Variants in ROR1 observed in about 807,000 individuals in gnomAD.
ROR1 encodes the protein ROR family WNT receptor 1.
In ROR1, 19 loss-of-function variants were observed where a neutral mutation model predicts 78.8. The ratio of observed to expected loss-of-function variants is 0.24; its 90% CI spans 0.17 to 0.35. The LOEUF (loss-of-function observed/expected upper bound fraction) is 0.35. Among genes scored for constraint, ROR1 ranks in the 10% least tolerant of loss-of-function variants. ROR1 has a pLI of 1.00. For missense variants in ROR1, 917 were observed against 1,177.8 expected (o/e 0.78, Z 3.24); for synonymous variants, 386 against 433.6 (o/e 0.89, Z 1.36).
intron 1 of ROR1, among the ~76,000 whole-genome samples, chr1:63,875,778 C>G (rs764497867): frequency 4.6e-5 from 7 of 152,122 alleles, no homozygotes; most frequent in Non-Finnish European, 8.8e-5. Context: ...CTTCCTTGAT[C>G]ACTTCTCTCC....
intron 1 of ROR1, among the ~76,000 whole-genome samples, chr1:63,787,433 C>CT (rs1644695307): frequency 7.4e-6 from 1 of 134,638 alleles, no homozygotes; most frequent in East Asian, 2.3e-4. Context: ...GAACTATTGC[C>CT]TTTCTTTCCT....
Position 64,056,401 on chromosome 1 carries a change from G to T in ROR1, c.482+5685G>T, listed in dbSNP as rs115149140. Reference sequence around the variant, plus strand: ...TAAAATTTATTATAGCCAGCCGGGCGCAGTGGTTCATGCCTGTAATTGCAG... The same window carrying T: ...TAAAATTTATTATAGCCAGCCGGGCTCAGTGGTTCATGCCTGTAATTGCAG... On this transcript the variant is annotated intron_variant, in intron 4 of 8. Coordinates refer to ENST00000371079, the MANE Select transcript of ROR1 (RefSeq NM_005012.4). Among the ~76,000 whole-genome samples, 812 of 151,692 alleles carry T rather than the reference G, an allele frequency of 5.4e-3. 5 individuals are homozygous for T. The highest frequency in any genetic ancestry group is 0.016 in the African/African-American group (646 of 41,444).
At chr1:63,843,896 G>A (rs953093237) in intron 1 of ROR1, among the ~76,000 whole-genome samples, 1 of 152,142 alleles carries the variant, frequency 6.6e-6, no homozygotes. Context: ...CCTTGCTGAA[G>A]TAGCCTCCTG....
At chr1:63,831,114 A>T (rs1644985512) in intron 1 of ROR1, among the ~76,000 whole-genome samples, 1 of 152,208 alleles carries the variant, frequency 6.6e-6, no homozygotes, top group African/African-American at 2.4e-5. Flanking sequence ...AGCACCCCTG[A>T]CACACAGCTG....
chr1:63,931,709 G>A (rs904482382), intron 1 of ROR1, among the ~76,000 whole-genome samples: 2 of 152,108 alleles, frequency 1.3e-5, no homozygotes, highest in East Asian at 3.8e-4. Context: ...AGCCATCTGG[G>A]TTATCAGATA....
At chr1:63,910,237 G>A (rs1645560246) in intron 1 of ROR1, among the ~76,000 whole-genome samples, 1 of 152,162 alleles carries the variant, frequency 6.6e-6, no homozygotes, top group African/African-American at 2.4e-5. Context: ...GTCAATTATG[G>A]TGAGTTGCAC....
chr1:63,967,861 C>T, intron 1 of ROR1, among the ~76,000 whole-genome samples: 1 of 152,178 alleles, frequency 6.6e-6, no homozygotes, highest in East Asian at 1.9e-4. Context: ...TTTCTGTTGA[C>T]TGGTGGTGTG....
chr1:64,031,756 AT>A (rs1371197218), intron 2 of ROR1, among the ~76,000 whole-genome samples: 1 of 152,136 alleles, frequency 6.6e-6, no homozygotes, highest in Non-Finnish European at 1.5e-5. Context: ...ATGATCACGT[AT>A]TTCTGTCTTC....
At chr1:64,052,662 A>G (rs903879141) in intron 4 of ROR1, among the ~76,000 whole-genome samples, 8 of 152,148 alleles carry the variant, frequency 5.3e-5, no homozygotes, top group African/African-American at 1.9e-4. Context: ...GATATCACGC[A>G]TCTCTGTTTT....
rs148918971 is a variant in ROR1 at position 63,846,758 on chromosome 1, A to T, written c.91+72250A>T. Among the ~76,000 whole-genome samples, 297 of 152,286 alleles carry T rather than the reference A, an allele frequency of 2.0e-3. 1 individual carries two copies. Among genetic ancestry groups the T allele is most frequent in the African/African-American group, 6.9e-3 (286 of 41,558 alleles). On this transcript the variant is annotated intron_variant, in intron 1 of 8. Coordinates refer to ENST00000371079, the MANE Select transcript of ROR1 (RefSeq NM_005012.4). ...AGTGATGTAAAGTTATAAATGCCAA[A>T]CCTTCAAGGGACTTTTGACATGACG...
chr1:64,050,709 G>C lies in ROR1; in HGVS notation c.475G>C (p.Gly159Arg), dbSNP rs1646821769. The C allele has an allele frequency of 1.9e-6, 3 of 1,613,708 alleles. No homozygotes were observed. Among genetic ancestry groups the C allele is most frequent in the Middle Eastern group, 1.6e-4 (1 of 6,062 alleles). ...AGGCCCCCCTCCCACTGCAAGTCCA[G>C]GATACTCGTAAGTACTTTTATCTCC... ...KFGPPPTASP[G>R]YSDEYEEDGF... is the part of the protein sequence containing the mutation. The change falls in exon 4 of 9, where the codon GGA becomes CGA. Residue 159 changes from glycine (G) to arginine (R), a missense_variant. Physicochemically the swap from Gly to Arg is moderately radical, Grantham distance 125. Coordinates refer to ENST00000371079, the MANE Select transcript of ROR1 (RefSeq NM_005012.4).
intron 2 of ROR1, among the ~76,000 whole-genome samples, chr1:64,045,995 C>T (rs1237101818): frequency 1.3e-5 from 2 of 152,186 alleles, no homozygotes; most frequent in Admixed American, 6.6e-5. Context: ...CTGAATCAAA[C>T]CATTGAAAAA....
intron 1 of ROR1, among the ~76,000 whole-genome samples, chr1:63,938,202 C>T (rs928023765): frequency 6.6e-6 from 1 of 152,110 alleles, no homozygotes; most frequent in African/African-American, 2.4e-5. Context: ...TCATTATTCC[C>T]TAGACAATAG....
intron 2 of ROR1, among the ~76,000 whole-genome samples, chr1:64,019,635 G>A (rs1646548228): frequency 6.6e-6 from 1 of 152,126 alleles, no homozygotes; most frequent in Non-Finnish European, 1.5e-5. Flanking sequence ...ATTATTAATA[G>A]CTACCATCTA....
At chr1:63,924,987 C>G (rs114464424) in intron 1 of ROR1, among the ~76,000 whole-genome samples, 5,036 of 141,520 alleles carry the variant, frequency 0.036, 299 homozygotes, top group African/African-American at 0.12. Flanking sequence ...CAGATGACAC[C>G]TTTTTCTTTC....
chr1:63,929,097 G>T (rs559335256), intron 1 of ROR1, among the ~76,000 whole-genome samples: 8 of 152,304 alleles, frequency 5.3e-5, no homozygotes, highest in Non-Finnish European at 7.4e-5. Flanking sequence ...GGGATATGGG[G>T]CTTCCACCCT....
intron 7 of ROR1, among the ~76,000 whole-genome samples, chr1:64,152,028 A>G (rs1016130722): frequency 1.3e-5 from 2 of 152,192 alleles, no homozygotes; most frequent in African/African-American, 4.8e-5. Context: ...AAATCCTTCC[A>G]CTTCAAAGTG....
At chr1:64,141,522 A>G (rs889343385) in intron 6 of ROR1, among the ~76,000 whole-genome samples, 1 of 152,084 alleles carries the variant, frequency 6.6e-6, no homozygotes, top group Non-Finnish European at 1.5e-5. Context: ...GGGGATTGCA[A>G]TTCAACATGA....
chr1:64,118,914 A>G (rs540048056), intron 4 of ROR1, among the ~76,000 whole-genome samples: 3 of 152,326 alleles, frequency 2.0e-5, no homozygotes, highest in South Asian at 4.1e-4. Context: ...GTGACACGTG[A>G]AAGTCCAGCA....
Sources: allele counts gnomAD v4.1 joint callset (sites outside exome capture counted in the v4.1 genomes callset), GRCh38; gene constraint gnomAD v4.1.1; transcripts MANE v1.5; gene names NCBI Gene and HGNC (gene_info 2026-07-23, HGNC 2026-07-21).